PCDHGA2: variants seen among roughly 807,000 people sequenced by gnomAD.
PCDHGA2 encodes the protein protocadherin gamma-A2.
Under a neutral mutation model 59.2 loss-of-function variants are expected in PCDHGA2, and 40 were observed. That is an observed-to-expected ratio of 0.68 (90% CI 0.52 to 0.88). PCDHGA2 has a LOEUF of 0.88. Among genes scored for constraint, PCDHGA2 ranks in the 40% least tolerant of loss-of-function variants. The pLI is 0.00. For synonymous variants in PCDHGA2, 560 were observed against 526.0 expected, an observed-to-expected ratio of 1.06 and a Z score of -0.89; for missense variants, 1,226 against 1,204.0, an observed-to-expected ratio of 1.02 and a Z score of -0.27.
intron 1 of PCDHGA2, among the ~76,000 whole-genome samples, chr5:141,447,413 C>T (rs1279399546): frequency 6.6e-6 from 1 of 152,204 alleles, no homozygotes; most frequent in Non-Finnish European, 1.5e-5. Flanking sequence ...GCTGGGATTA[C>T]AGGCGTGAGC....
chr5:141,447,658 A>C (rs114314834), intron 1 of PCDHGA2, among the ~76,000 whole-genome samples: 3,576 of 152,302 alleles, frequency 0.023, 90 homozygotes, highest in Non-Finnish European at 0.03. Context: ...TTTCCCCCCC[A>C]GGAAGTTAGA....
At chr5:141,355,818 G>T in intron 1 of PCDHGA2, 1 of 1,613,008 alleles carries the variant, frequency 6.2e-7, no homozygotes, top group Non-Finnish European at 8.5e-7. Context: ...AGGAAGAGGC[G>T]GTTCACCACC....
chr5:141,413,129 A>T (rs761379605), intron 1 of PCDHGA2: 41 of 1,536,352 alleles, frequency 2.7e-5, no homozygotes, highest in Non-Finnish European at 3.6e-5. Context: ...GTTGAAACAC[A>T]CAACGTGTCC....
Position 141,382,839 on chromosome 5 carries a change from T to C in PCDHGA2, c.2424+41444T>C, listed in dbSNP as rs11575957. On this transcript the variant is annotated intron_variant, in intron 1 of 3. Coordinates refer to ENST00000394576, the MANE Select transcript of PCDHGA2 (RefSeq NM_018915.4). ...CCTAAGACAGAGGGGTCCACCCGGATACACCCGCATTCTGAAGCACTTCCC... is the reference window on the plus strand; with the variant it reads ...CCTAAGACAGAGGGGTCCACCCGGACACACCCGCATTCTGAAGCACTTCCC... The C allele has an allele frequency of 5.0e-3, 7,225 of 1,450,218 alleles. 38 individuals are homozygous for C. Among genetic ancestry groups the C allele is most frequent in the Admixed American group, 9.6e-3 (425 of 44,246 alleles). 89.8% of individuals were successfully genotyped at this position (1,450,218 alleles called of 1,614,324 possible).
In PCDHGA2 at chr5:141,389,714, C is replaced by T. The variant is rs771532940; in HGVS notation, c.2424+48319C>T. Reference sequence around the variant, plus strand: ...TGTCCTACCACGTGCTGCAGGCTAGCGAGCCCGGGCTCTTCAGCCTGGGGC... The same window carrying T: ...TGTCCTACCACGTGCTGCAGGCTAGTGAGCCCGGGCTCTTCAGCCTGGGGC... On this transcript the variant is annotated intron_variant, in intron 1 of 3. Transcript: ENST00000394576. 9 of 1,612,418 alleles carry T rather than the reference C, an allele frequency of 5.6e-6. No individual in the cohort carries two copies. In the Admixed American group the frequency reaches 1.2e-4, roughly 21 times the overall value.
chr5:141,382,839 T>A lies in PCDHGA2; in HGVS notation c.2424+41444T>A. 4 of 1,450,270 alleles carry A rather than the reference T, an allele frequency of 2.8e-6. No individual in the cohort carries two copies. In the South Asian group the frequency reaches 5.5e-5, roughly 20 times the overall value. 89.8% of individuals were successfully genotyped at this position (1,450,270 alleles called of 1,614,324 possible). A position where few individuals can be genotyped will look rare whatever the true frequency, so the allele number is the denominator to read the frequency against. On this transcript the variant is annotated intron_variant, in intron 1 of 3. Coordinates refer to ENST00000394576, the MANE Select transcript of PCDHGA2 (RefSeq NM_018915.4). ...CCTAAGACAGAGGGGTCCACCCGGA[T>A]ACACCCGCATTCTGAAGCACTTCCC...
chr5:141,383,308 G>T, intron 1 of PCDHGA2: 1 of 1,613,976 alleles, frequency 6.2e-7, no homozygotes, highest in Non-Finnish European at 8.5e-7. Context: ...CTTGACGGAA[G>T]AAATAAATGT....
chr5:141,502,126 A>C (rs2154593060), intron 2 of PCDHGA2, among the ~76,000 whole-genome samples: 1 of 152,252 alleles, frequency 6.6e-6, no homozygotes, highest in South Asian at 2.1e-4. Flanking sequence ...AGGCCCACAG[A>C]GCTCAGTCGG....
rs1756878614 is a variant in PCDHGA2, at chr5:141,339,794, G to A, written c.823G>A (p.Ala275Thr). ...TATDADEGYYAQVVYFLEKSP... is the reference protein window; with the variant it reads ...TATDADEGYYTQVVYFLEKSP... ...CACTGACGCAGATGAGGGCTACTAC[G>A]CTCAAGTGGTATATTTTCTAGAGAA... The change falls in exon 1 of 4, where the codon GCT (alanine) becomes ACT (threonine). Residue 275 changes from alanine to threonine, a missense_variant. By Grantham distance (58) the Ala-to-Thr change is moderately conservative. Coordinates refer to ENST00000394576, the MANE Select transcript of PCDHGA2 (RefSeq NM_018915.4). 1.2e-6 allele frequency: 2 copies of A among 1,614,182 alleles called. No individual in the cohort carries two copies. Among genetic ancestry groups the A allele is most frequent in the Non-Finnish European group, 1.7e-6 (2 of 1,180,038 alleles).
intron 1 of PCDHGA2, chr5:141,350,437 G>A (rs1353173301): frequency 6.2e-7 from 1 of 1,610,534 alleles, no homozygotes; most frequent in South Asian, 1.1e-5. Context: ...TCCGGGAGTT[G>A]CCAACTCGAA....
chr5:141,431,642 G>A lies in PCDHGA2; in HGVS notation c.2425-63165G>A, dbSNP rs762914489. The A allele has an allele frequency of 6.2e-7, 1 of 1,614,272 alleles. No homozygotes were observed. The highest frequency in any genetic ancestry group is 1.1e-5 in the South Asian group (1 of 91,090). On this transcript the variant is annotated intron_variant, in intron 1 of 3. Transcript: ENST00000394576. This position sits in a 1 kb window ranked among gnomAD's most constrained non-coding sequence, Gnocchi z 4.8. ...CAAGGCGGCCCAAGTTTTCAAACTA[G>A]ATTGTAATTCAGGGACAATATCAAC... is the stretch of plus-strand genomic sequence containing the variant.
At chr5:141,478,941 A>C (rs889484528) in intron 1 of PCDHGA2, 9 of 589,470 alleles carry the variant, frequency 1.5e-5, no homozygotes, top group Non-Finnish European at 2.0e-5. Context: ...TTCTAGGAAT[A>C]CAAAAACTAC....
At chr5:141,433,208 CTTT>C (rs745329085) in intron 1 of PCDHGA2, 6 of 1,292,918 alleles carry the variant, frequency 4.6e-6, no homozygotes, top group East Asian at 2.6e-5. Flanking sequence ...AATCTTCTTT[CTTT>C]TTTTTTTTTA....
At position 141,476,873 on chromosome 5, in the gene PCDHGA2, G is replaced by C; in HGVS notation, c.2425-17934G>C. On this transcript the variant is annotated intron_variant, in intron 1 of 3. Coordinates refer to ENST00000394576, the MANE Select transcript of PCDHGA2 (RefSeq NM_018915.4). This position sits in a 1 kb window ranked among gnomAD's most constrained non-coding sequence, Gnocchi z 7.6. ...CAACCAGTCCTTGTACCGGGCGCGC[G>C]TCCTGGAGGATGCACCCTCCGGCAC... 1 of 1,613,936 alleles carries C rather than the reference G, an allele frequency of 6.2e-7. No homozygotes were observed. Among genetic ancestry groups the C allele is most frequent in the South Asian group, 1.1e-5 (1 of 91,088 alleles).
chr5:141,384,294 C>A, intron 1 of PCDHGA2: 1 of 1,613,864 alleles, frequency 6.2e-7, no homozygotes. Context: ...CTGAGAACAA[C>A]CCCAGAGGGG....
At chr5:141,376,294 C>A in intron 1 of PCDHGA2, 4 of 1,614,226 alleles carry the variant, frequency 2.5e-6, no homozygotes, top group Non-Finnish European at 3.4e-6. Flanking sequence ...GCATGCCCGG[C>A]TCGCACTTTG....
chr5:141,394,705 C>T lies in PCDHGA2; in HGVS notation c.2424+53310C>T, dbSNP rs1245348426. 6.2e-7 allele frequency: 1 copy of T among 1,613,256 alleles called. No individual in the cohort carries two copies. The highest frequency in any genetic ancestry group is 1.7e-5 in the Admixed American group (1 of 60,012). ...ACGGGCGAGGTGCGCACGGCGCGAG[C>T]CCTGCTGGACAGAGATGCGCTCAAG... On this transcript the variant is annotated intron_variant, in intron 1 of 3. Coordinates refer to ENST00000394576, the MANE Select transcript of PCDHGA2 (RefSeq NM_018915.4).
chr5:141,348,887 T>C (rs1352971089), intron 1 of PCDHGA2, among the ~76,000 whole-genome samples: 1 of 152,202 alleles, frequency 6.6e-6, no homozygotes, highest in East Asian at 1.9e-4. Context: ...GGATCTCATT[T>C]GGTAATGCAT....
At chr5:141,408,052 C>T in intron 1 of PCDHGA2, 1 of 1,283,102 alleles carries the variant, frequency 7.8e-7, no homozygotes, top group Non-Finnish European at 1.0e-6. Context: ...CACACAGAGC[C>T]TCCCGGCTGC....
Sources: allele counts gnomAD v4.1 joint callset (sites outside exome capture counted in the v4.1 genomes callset), GRCh38; gene constraint gnomAD v4.1.1; non-coding constraint Gnocchi (gnomAD v3.1); transcripts MANE v1.5; gene names NCBI Gene and HGNC (gene_info 2026-07-23, HGNC 2026-07-21).